The following TRMT11 variants were observed in gnomAD, a reference collection of about 807,000 sequenced individuals.
The protein encoded by TRMT11 is tRNA (guanine(10)-N(2))-methyltransferase TRMT11.
Under a neutral mutation model 62.8 loss-of-function variants are expected in TRMT11, and 53 were observed. The observed-to-expected ratio is 0.84, with a 90% CI of 0.68 to 1.06. The LOEUF (loss-of-function observed/expected upper bound fraction) is 1.06, where lower values mean the gene tolerates loss of function less well. TRMT11 is among the 50% of genes least tolerant of loss of function. The pLI, the probability that TRMT11 is intolerant of heterozygous loss-of-function variation, is 0.00. For synonymous variants in TRMT11, 188 were observed against 190.3 expected, an observed-to-expected ratio of 0.99 and a Z score of 0.10; for missense variants, 556 against 553.4, an observed-to-expected ratio of 1.00 and a Z score of -0.05.
the TRMT11 span, chr6:126,257,924 C>T: frequency 6.5e-7 from 1 of 1,543,542 alleles, no homozygotes; most frequent in South Asian, 1.1e-5. Context: ...AGGACCCTCA[C>T]TTCTTCTGGG....
At chr6:126,193,350 TA>T (rs1205450035) in intron 1 of TRMT11, among the ~76,000 whole-genome samples, 1 of 151,932 alleles carries the variant, frequency 6.6e-6, no homozygotes, top group Non-Finnish European at 1.5e-5. Context: ...ATTTTGTTTA[TA>T]TTTTTTAAGT....
rs74704180 is a variant in TRMT11, at chr6:126,139,930, G to A, written c.*1823+24075G>A. ...TTATATCTGATTTGTTATTGTCTTGGATAGACAAGGATGGTGCAGAAGTGC... is the reference window on the plus strand; with the variant it reads ...TTATATCTGATTTGTTATTGTCTTGAATAGACAAGGATGGTGCAGAAGTGC... On this transcript the variant is annotated intron_variant and NMD_transcript_variant, in intron 21 of 22. Coordinates refer to the TRMT11 transcript ENST00000648977. Among the ~76,000 whole-genome samples, 471 of 151,938 alleles carry A rather than the reference G, an allele frequency of 3.1e-3. 5 individuals carry two copies. The highest frequency in any genetic ancestry group is 0.021 in the Admixed American group (324 of 15,230).
the TRMT11 span, among the ~76,000 whole-genome samples, chr6:126,245,353 T>C: frequency 6.6e-6 from 1 of 152,236 alleles, no homozygotes; most frequent in Admixed American, 6.5e-5. Flanking sequence ...GGGAGAAACT[T>C]GTCTAATTTG....
At chr6:126,052,163 T>C (rs1251891679) in intron 16 of TRMT11, among the ~76,000 whole-genome samples, 2 of 152,224 alleles carry the variant, frequency 1.3e-5, no homozygotes, top group Non-Finnish European at 1.5e-5. Context: ...GTGATGTGCT[T>C]CTGCCCAAAC....
At chr6:126,105,585 TTTAAGA>T (rs1777455413) in intron 17 of TRMT11, among the ~76,000 whole-genome samples, 1 of 151,724 alleles carries the variant, frequency 6.6e-6, no homozygotes, top group South Asian at 2.1e-4. Flanking sequence ...ATGCATGATC[TTTAAGA>T]TTGTTTTTTT....
intron 1 of TRMT11, among the ~76,000 whole-genome samples, chr6:126,194,537 C>T (rs1778642351): frequency 6.6e-6 from 1 of 152,112 alleles, no homozygotes; most frequent in South Asian, 2.1e-4. Context: ...GGTTTTAGAA[C>T]TTAGAATGGA....
intron 17 of TRMT11, among the ~76,000 whole-genome samples, chr6:126,083,666 A>G (rs1376332713): frequency 6.6e-6 from 1 of 152,150 alleles, no homozygotes; most frequent in Non-Finnish European, 1.5e-5. Flanking sequence ...TGAGTTTCAC[A>G]TACAGAACAA....
At chr6:126,034,955 G>C (rs1441125702) in intron 12 of TRMT11, among the ~76,000 whole-genome samples, 2 of 152,040 alleles carry the variant, frequency 1.3e-5, no homozygotes, top group East Asian at 3.9e-4. Context: ...AAAAGGTGAT[G>C]AAAAATATGT....
the TRMT11 span, among the ~76,000 whole-genome samples, chr6:126,243,696 A>G: frequency 1.3e-5 from 2 of 152,040 alleles, no homozygotes; most frequent in Admixed American, 6.5e-5. Flanking sequence ...AAAAAACTAA[A>G]CACCGCATAT....
chr6:126,257,903 C>G, the TRMT11 span: 3 of 1,478,734 alleles, frequency 2.0e-6, no homozygotes, highest in South Asian at 2.3e-5. Context: ...AGCCACCATT[C>G]ACCTGGGTCA....
intron 17 of TRMT11, among the ~76,000 whole-genome samples, chr6:126,076,419 GAA>G (rs1688478627): frequency 6.6e-6 from 1 of 152,120 alleles, no homozygotes; most frequent in Non-Finnish European, 1.5e-5. Context: ...TGAGCCAAGA[GAA>G]AAGAGATAAT....
At chr6:126,208,303 A>G (rs991783230), downstream of TRMT11, among the ~76,000 whole-genome samples, 19 of 152,224 alleles carry the variant, frequency 1.2e-4, no homozygotes, top group Non-Finnish European at 2.5e-4. Flanking sequence ...GCAAGAGAAT[A>G]GCAGTTATTG....
At chr6:126,240,074 C>T in the TRMT11 span, among the ~76,000 whole-genome samples, 1 of 152,148 alleles carries the variant, frequency 6.6e-6, no homozygotes, top group Non-Finnish European at 1.5e-5. Flanking sequence ...CCTTTAAGGA[C>T]TTCTCTGGCA....
At position 126,103,969 on chromosome 6, in the gene TRMT11, A is replaced by G. The variant is rs555372393; in HGVS notation, c.*1438-8897A>G. The stretch of plus-strand genomic sequence containing the variant: ...TGGGGTCATGGGGGGACCACCTTGG[A>G]GCCTATCCACCACAGAAATGAAAGA... On this transcript the variant is annotated intron_variant and NMD_transcript_variant, in intron 17 of 22. Transcript: ENST00000648977. Among the ~76,000 whole-genome samples, 5 of 152,330 alleles carry G rather than the reference A, an allele frequency of 3.3e-5. No individual in the cohort carries two copies. The South Asian group carries it at 1.0e-3, about 32-fold the overall frequency.
chr6:126,208,170 C>A (rs958786406), downstream of TRMT11, among the ~76,000 whole-genome samples: 1 of 152,160 alleles, frequency 6.6e-6, no homozygotes, highest in African/African-American at 2.4e-5. Flanking sequence ...TTCTAAATCA[C>A]CTGGAGTGGG....
intron 12 of TRMT11, among the ~76,000 whole-genome samples, chr6:126,031,283 T>C (rs1774140744): frequency 6.6e-6 from 1 of 152,190 alleles, no homozygotes; most frequent in Non-Finnish European, 1.5e-5. Context: ...TATTTTTGTA[T>C]ACTTTATTTC....
chr6:126,261,343 A>C, the TRMT11 span, among the ~76,000 whole-genome samples: 1 of 152,214 alleles, frequency 6.6e-6, no homozygotes, highest in South Asian at 2.1e-4. Flanking sequence ...TTCTGATTGC[A>C]TTGAAATATT....
At chr6:126,058,283 ACTC>A (rs1288006869) in intron 17 of TRMT11, among the ~76,000 whole-genome samples, 2 of 151,680 alleles carry the variant, frequency 1.3e-5, no homozygotes, top group Non-Finnish European at 2.9e-5. Context: ...AAGGACATGA[ACTC>A]CTCCTTTTTT....
At chr6:126,051,124 A>T (rs1210081424) in intron 16 of TRMT11, among the ~76,000 whole-genome samples, 1 of 152,170 alleles carries the variant, frequency 6.6e-6, no homozygotes, top group Non-Finnish European at 1.5e-5. Context: ...TAATAACTGT[A>T]TTGTGAGATA....
Sources: allele counts gnomAD v4.1 joint callset (sites outside exome capture counted in the v4.1 genomes callset), GRCh38; gene constraint gnomAD v4.1.1; transcripts MANE v1.5; gene names NCBI Gene and HGNC (gene_info 2026-07-23, HGNC 2026-07-21).